The following SYNE1 variants were observed in gnomAD, a reference collection of about 807,000 sequenced individuals.
SYNE1 encodes nesprin-1.
A neutral mutation model predicts 1,111.0 loss-of-function variants in SYNE1; 616 were observed. The ratio of observed to expected loss-of-function variants is 0.55; its 90% CI spans 0.52 to 0.59. The LOEUF (loss-of-function observed/expected upper bound fraction) is 0.59. SYNE1 is among the 20% of genes least tolerant of loss of function. The probability of loss-of-function intolerance (pLI) is 0.00; values close to 1 mark genes in which losing one functional copy is unlikely to be tolerated. For missense variants in SYNE1, 10,006 were observed against 10,417.0 expected (o/e 0.96, Z 1.72); for synonymous variants, 3,855 against 3,825.8 (o/e 1.01, Z -0.28).
intron 131 of SYNE1, among the ~76,000 whole-genome samples, chr6:152,159,725 C>T (rs1395302120): frequency 2.6e-5 from 4 of 152,154 alleles, no homozygotes; most frequent in South Asian, 2.1e-4. Flanking sequence ...CTGCCTTGGC[C>T]TCTCGAAGTA....
At chr6:152,235,535 AT>A (rs1186294127) in intron 110 of SYNE1, among the ~76,000 whole-genome samples, 1 of 151,810 alleles carries the variant, frequency 6.6e-6, no homozygotes, top group African/African-American at 2.4e-5. Context: ...CTAATTTTGT[AT>A]TTTTAGTAGA....
At chr6:152,525,156 A>T (rs2099157883) in intron 5 of SYNE1, among the ~76,000 whole-genome samples, 1 of 152,174 alleles carries the variant, frequency 6.6e-6, no homozygotes, top group African/African-American at 2.4e-5. Context: ...TTACCAGTTT[A>T]TGTTTTTCAA....
chr6:152,150,497 G>A (rs2060220821), intron 135 of SYNE1, among the ~76,000 whole-genome samples: 1 of 152,140 alleles, frequency 6.6e-6, no homozygotes, highest in Non-Finnish European at 1.5e-5. Context: ...AGAGGGTGAG[G>A]CAGAATAGCA....
intron 58 of SYNE1, 23 bp from the exon 59 acceptor site, chr6:152,373,242 A>G (rs1368417909): frequency 5.7e-6 from 9 of 1,587,048 alleles, no homozygotes; most frequent in African/African-American, 1.4e-5. Flanking sequence ...ATATAGAATT[A>G]GCCATAATGA....
intron 63 of SYNE1, among the ~76,000 whole-genome samples, chr6:152,363,035 C>T (rs1460132689): frequency 6.6e-6 from 1 of 151,464 alleles, no homozygotes; most frequent in African/African-American, 2.4e-5. Context: ...CCCCCGCCAC[C>T]ATGCCCGGCT....
intron 4 of SYNE1, among the ~76,000 whole-genome samples, chr6:152,534,964 T>G (rs1219766803): frequency 6.6e-6 from 1 of 152,266 alleles, no homozygotes; most frequent in Non-Finnish European, 1.5e-5. Flanking sequence ...GTGCTCTTAA[T>G]GGAATCTGTT....
chr6:152,418,783 T>C (rs1193034787), intron 40 of SYNE1, among the ~76,000 whole-genome samples: 1 of 152,146 alleles, frequency 6.6e-6, no homozygotes, highest in African/African-American at 2.4e-5. Context: ...AGGTCTGACA[T>C]CTCACTTGGA....
At chr6:152,557,409 A>C (rs912780843) in intron 3 of SYNE1, among the ~76,000 whole-genome samples, 1 of 152,154 alleles carries the variant, frequency 6.6e-6, no homozygotes, top group Non-Finnish European at 1.5e-5. Flanking sequence ...TAAAAAAAAT[A>C]ATGTTAGAAA....
chr6:152,604,994 AAGAAAGAAAGAAAGAGAGAGAGAGAG>A (rs1355462250), intron 3 of SYNE1, among the ~76,000 whole-genome samples: 10 of 26,956 alleles, frequency 3.7e-4, no homozygotes, highest in African/African-American at 1.7e-3. Context: ...GAAAGAAAGA[AAGAAAGAAAGAAAGAGAGAGAGAGAG>A]AGAGAGAGAG....
chr6:152,325,293 A>C lies in SYNE1; in HGVS notation c.15448T>G (p.Ser5150Ala). 1 of 1,614,210 alleles carries C rather than the reference A, an allele frequency of 6.2e-7. No individual in the cohort carries two copies. The highest frequency in any genetic ancestry group is 8.5e-7 in the Non-Finnish European group (1 of 1,180,032). Residue 5150 changes from serine to alanine, a missense_variant, in exon 81 of 146, where the codon TCA (serine) becomes GCA (alanine). Ser to Ala is a moderately conservative substitution (Grantham distance 99). Around this residue, in one of 7 missense-constraint regions of SYNE1, gnomAD observed 4,955 missense variants for 5,017.2 expected, o/e 0.99. Coordinates refer to ENST00000367255, the MANE Select transcript of SYNE1 (RefSeq NM_182961.4). ...TTCTCATGGAAAGAGTTAACCACTG[A>C]CACTAAAGCCTAGGGTTGGGGGTGG... is the stretch of plus-strand genomic sequence containing the variant. Reference protein sequence around the residue: ...EKLSEHKALVSVVNSFHEKIV... With the variant: ...EKLSEHKALVAVVNSFHEKIV...
intron 3 of SYNE1, among the ~76,000 whole-genome samples, chr6:152,600,351 T>C (rs1414921856): frequency 6.6e-6 from 1 of 152,212 alleles, no homozygotes; most frequent in East Asian, 1.9e-4. Context: ...AACAATACTT[T>C]TTACTCAAAT....
In SYNE1 at chr6:152,494,797, CT is replaced by C. The variant is rs551310582; in HGVS notation, c.939+3944del. ...TTCCAAAGGAAGCTGGAGTCCTTCA[CT>C]GCAAAGGCCATCAAAAAGCCTCAGA... On this transcript the variant is annotated intron_variant, in intron 11 of 145. Transcript: ENST00000367255. Among the ~76,000 whole-genome samples the C allele has an allele frequency of 1.2e-4, 19 of 152,304 alleles. No homozygotes were observed. The East Asian group carries it at 3.7e-3, about 29-fold the overall frequency.
At chr6:152,385,917 A>G in intron 54 of SYNE1, 79 bp from the exon 55 acceptor site, 3 of 1,381,000 alleles carry the variant, frequency 2.2e-6, no homozygotes, top group Non-Finnish European at 3.1e-6. Flanking sequence ...GGCCTGATAG[A>G]GGTCTCTTAA....
chr6:152,563,172 T>C (rs970764966), intron 3 of SYNE1, among the ~76,000 whole-genome samples: 3 of 152,062 alleles, frequency 2.0e-5, no homozygotes, highest in Non-Finnish European at 4.4e-5. Flanking sequence ...TTTTATCATA[T>C]CTCACCTATT....
intron 78 of SYNE1, among the ~76,000 whole-genome samples, chr6:152,327,844 T>C (rs541978387): frequency 6.6e-6 from 1 of 152,352 alleles, no homozygotes; most frequent in African/African-American, 2.4e-5. Context: ...CTAGATTCTA[T>C]ATCTCTATTT....
At chr6:152,552,509 T>C (rs1381420422) in intron 3 of SYNE1, among the ~76,000 whole-genome samples, 3 of 151,258 alleles carry the variant, frequency 2.0e-5, no homozygotes, top group Non-Finnish European at 4.4e-5. Context: ...GATACAATAA[T>C]TTGACACAAT....
chr6:152,285,703 A>G (rs2094291002), intron 95 of SYNE1, among the ~76,000 whole-genome samples: 1 of 152,124 alleles, frequency 6.6e-6, no homozygotes, highest in Admixed American at 6.6e-5. Context: ...CTTTGCTCTT[A>G]GGTTAATTGT....
intron 3 of SYNE1, among the ~76,000 whole-genome samples, chr6:152,562,249 T>C (rs373983276): frequency 6.6e-6 from 1 of 152,202 alleles, no homozygotes; most frequent in East Asian, 1.9e-4. Context: ...AGGACCTGAC[T>C]AGACATTTCT....
chr6:152,580,903 C>T (rs1159622755), intron 3 of SYNE1, among the ~76,000 whole-genome samples: 1 of 152,206 alleles, frequency 6.6e-6, no homozygotes, highest in Non-Finnish European at 1.5e-5. Flanking sequence ...ATGACCAGAA[C>T]ACATGTACAC....
Sources: gnomAD v4.1 joint callset for allele counts (sites outside exome capture counted in the v4.1 genomes callset) on GRCh38, gnomAD v4.1.1 for gene constraint, gnomAD v4.1.1 regional missense constraint, MANE v1.5 for transcripts, NCBI Gene and HGNC (gene_info 2026-07-23, HGNC 2026-07-21) for gene names.